Variants in CERS6 observed in about 807,000 individuals in gnomAD.
CERS6 encodes ceramide synthase 6.
In CERS6, 26 loss-of-function variants were observed where a neutral mutation model predicts 56.8. That is an observed-to-expected ratio of 0.46 (90% CI 0.34 to 0.63). CERS6 has a LOEUF of 0.63. CERS6 is among the 30% of genes least tolerant of loss of function. CERS6 has a pLI of 0.01. For missense variants in CERS6, 415 were observed against 467.5 expected (o/e 0.89, Z 1.04); for synonymous variants, 164 against 173.3 (o/e 0.95, Z 0.42).
chr2:168,706,796 G>C (rs1686951778), intron 6 of CERS6, among the ~76,000 whole-genome samples: 1 of 152,194 alleles, frequency 6.6e-6, no homozygotes, highest in South Asian at 2.1e-4. Context: ...CCAATATGAT[G>C]CTTTCCCATA....
chr2:168,494,600 G>A (rs1183338350), intron 1 of CERS6, among the ~76,000 whole-genome samples: 3 of 152,096 alleles, frequency 2.0e-5, no homozygotes, highest in African/African-American at 7.2e-5. Flanking sequence ...AGTGTGTCCT[G>A]CTGGCCCCCT....
intron 8 of CERS6, among the ~76,000 whole-genome samples, chr2:168,751,499 A>G (rs573264403): frequency 6.6e-6 from 1 of 152,190 alleles, no homozygotes; most frequent in East Asian, 1.9e-4. Context: ...ACTTGTTTCC[A>G]TGGACTATAA....
intron 8 of CERS6, among the ~76,000 whole-genome samples, chr2:168,747,635 T>A (rs1466303732): frequency 6.6e-6 from 1 of 152,226 alleles, no homozygotes; most frequent in East Asian, 1.9e-4. Flanking sequence ...GGTTTCATTT[T>A]ATTTTTTGAT....
intron 4 of CERS6, among the ~76,000 whole-genome samples, chr2:168,668,486 G>A (rs544197587): frequency 5.1e-5 from 7 of 136,984 alleles, no homozygotes; most frequent in East Asian, 2.1e-4. Flanking sequence ...TCATTCTGTC[G>A]CCCAGGCTGG....
At chr2:168,605,942 G>C (rs545107200) in intron 3 of CERS6, among the ~76,000 whole-genome samples, 1 of 152,234 alleles carries the variant, frequency 6.6e-6, no homozygotes, top group Non-Finnish European at 1.5e-5. Flanking sequence ...GAGGGGAAAT[G>C]TGGGGTTAGA....
At chr2:168,691,997 C>T (rs776682195) in intron 5 of CERS6, among the ~76,000 whole-genome samples, 33 of 152,166 alleles carry the variant, frequency 2.2e-4, no homozygotes, top group Admixed American at 5.2e-4. Context: ...TTCTTTGTTA[C>T]ACCTAGTGTC....
chr2:168,681,734 G>T (rs1004679286), intron 4 of CERS6, among the ~76,000 whole-genome samples: 1 of 152,086 alleles, frequency 6.6e-6, no homozygotes. Context: ...TACTAGGACT[G>T]TTCTTCCTTT....
intron 8 of CERS6, among the ~76,000 whole-genome samples, chr2:168,737,662 T>C (rs959114846): frequency 6.6e-6 from 1 of 152,230 alleles, no homozygotes; most frequent in South Asian, 2.1e-4. Context: ...GTGTCTTTTA[T>C]GTGAATAAAG....
chr2:168,642,868 C>T (rs866602834), intron 4 of CERS6, among the ~76,000 whole-genome samples: 5 of 152,264 alleles, frequency 3.3e-5, no homozygotes, highest in Middle Eastern at 6.8e-3. Flanking sequence ...AGCTAATAGC[C>T]TTGTTGTGAA....
chr2:168,473,431 G>C (rs1694013784), intron 1 of CERS6, among the ~76,000 whole-genome samples: 1 of 151,972 alleles, frequency 6.6e-6, no homozygotes, highest in South Asian at 2.1e-4. Context: ...TGTTTAAGAT[G>C]ATTGTTTTTT....
chr2:168,538,505 T>C (rs565874372), intron 1 of CERS6, among the ~76,000 whole-genome samples: 16 of 152,328 alleles, frequency 1.1e-4, no homozygotes, highest in East Asian at 3.9e-4. Context: ...TACTTTCTCA[T>C]TGGGGTCTTC....
At chr2:168,571,337 G>GA (rs1695982813) in intron 3 of CERS6, among the ~76,000 whole-genome samples, 1 of 152,020 alleles carries the variant, frequency 6.6e-6, no homozygotes, top group African/African-American at 2.4e-5. Flanking sequence ...AGGATTAAAA[G>GA]AATCTTCAAC....
At chr2:168,501,272 G>A (rs1322209449) in intron 1 of CERS6, among the ~76,000 whole-genome samples, 2 of 152,190 alleles carry the variant, frequency 1.3e-5, no homozygotes, top group South Asian at 2.1e-4. Flanking sequence ...TTACCCAGGA[G>A]TCAACTCCCT....
intron 3 of CERS6, among the ~76,000 whole-genome samples, chr2:168,565,306 C>T (rs1040281236): frequency 3.3e-5 from 5 of 152,120 alleles, no homozygotes; most frequent in African/African-American, 1.2e-4. Flanking sequence ...AATACACGTG[C>T]CCGAGCCCCA....
chr2:168,733,188 G>A (rs2390731), intron 8 of CERS6, among the ~76,000 whole-genome samples: 133,441 of 152,246 alleles, frequency 0.88, 59,071 homozygotes, highest in East Asian at 0.99. Context: ...AGACAAAACA[G>A]CTTCATTGCA....
intron 8 of CERS6, among the ~76,000 whole-genome samples, chr2:168,738,406 A>C (rs1451021179): frequency 6.6e-6 from 1 of 152,164 alleles, no homozygotes; most frequent in Non-Finnish European, 1.5e-5. Flanking sequence ...GAAAATAGTC[A>C]CTTTATGTTT....
chr2:168,542,098 C>T (rs1695383287), intron 1 of CERS6, among the ~76,000 whole-genome samples: 1 of 152,112 alleles, frequency 6.6e-6, no homozygotes, highest in South Asian at 2.1e-4. Flanking sequence ...TTTCAGTCTC[C>T]AGAGCCCTCA....
chr2:168,684,606 T>C (rs1686300229), intron 4 of CERS6, among the ~76,000 whole-genome samples: 1 of 152,216 alleles, frequency 6.6e-6, no homozygotes, highest in South Asian at 2.1e-4. Flanking sequence ...ATATAGATAT[T>C]GAACATTTAA....
At chr2:168,574,370 TTGTGTGTG>T (rs59913751) in intron 3 of CERS6, among the ~76,000 whole-genome samples, 104 of 148,798 alleles carry the variant, frequency 7.0e-4, no homozygotes, top group African/African-American at 2.2e-3. Flanking sequence ...TCAATAAGTT[TTGTGTGTG>T]TGTGTGTGTG....
Sources: allele counts gnomAD v4.1 joint callset (sites outside exome capture counted in the v4.1 genomes callset), GRCh38; gene constraint gnomAD v4.1.1; transcripts MANE v1.5; gene names NCBI Gene and HGNC (gene_info 2026-07-23, HGNC 2026-07-21).